The following EML1 variants were observed in gnomAD, a reference collection of about 807,000 sequenced individuals.
The protein encoded by EML1 is echinoderm microtubule-associated protein-like 1.
EML1 carries 27 observed loss-of-function variants against 110.4 expected under a neutral mutation model. The ratio of observed to expected loss-of-function variants is 0.24; its 90% CI spans 0.18 to 0.34. The LOEUF (loss-of-function observed/expected upper bound fraction) is 0.34. EML1 is among the 10% of genes least tolerant of loss of function. The pLI, the probability that EML1 is intolerant of heterozygous loss-of-function variation, is 1.00. For synonymous variants in EML1, 344 were observed against 385.8 expected (o/e 0.89, Z 1.27); for missense variants, 741 against 1,030.9 (o/e 0.72, Z 3.85).
At chr14:99,772,915 A>G (rs150216059), upstream of EML1, 4 of 152,256 alleles carry the variant, frequency 2.6e-5, no homozygotes, top group East Asian at 7.7e-4. Flanking sequence ...GAGCCCCTTG[A>G]ATGAATAAAA....
chr14:99,835,560 C>A (rs991054134), intron 1 of EML1, among the ~76,000 whole-genome samples: 3 of 152,180 alleles, frequency 2.0e-5, no homozygotes, highest in African/African-American at 7.2e-5. Flanking sequence ...CCTTCCCCAT[C>A]CCCTACTTCC....
intron 1 of EML1, among the ~76,000 whole-genome samples, chr14:99,752,401 G>A (rs140019161): frequency 0.037 from 5,660 of 152,290 alleles, 145 homozygotes; most frequent in Middle Eastern, 0.058. Flanking sequence ...AGCTGAATTT[G>A]AATTTCAGAT....
chr14:99,800,932 C>T (rs151296812), intron 1 of EML1, among the ~76,000 whole-genome samples: 6 of 152,328 alleles, frequency 3.9e-5, no homozygotes, highest in Non-Finnish European at 5.9e-5. Flanking sequence ...AGGGCCTGCC[C>T]GAGGTAGGGA....
intron 2 of EML1, among the ~76,000 whole-genome samples, chr14:99,851,421 C>T (rs2058797011): frequency 6.6e-6 from 1 of 152,126 alleles, no homozygotes; most frequent in Non-Finnish European, 1.5e-5. Flanking sequence ...CATTCTCCTG[C>T]CTCAGCCCCA....
chr14:99,819,617 C>T (rs1299638016), intron 1 of EML1, among the ~76,000 whole-genome samples: 1 of 152,142 alleles, frequency 6.6e-6, no homozygotes, highest in Non-Finnish European at 1.5e-5. Flanking sequence ...GTTCCTTGGC[C>T]CTGCGGTGAC....
rs571912304 is a variant in EML1, at chr14:99,934,104, AC to A, written c.1910-1924del. Among the ~76,000 whole-genome samples the A allele has an allele frequency of 2.5e-3, 382 of 152,332 alleles. 3 individuals are homozygous for A. Among genetic ancestry groups the A allele is most frequent in the African/African-American group, 7.9e-3 (328 of 41,576 alleles). ...GAGTGAAACTCCGTCTCAAAAAAAA[AC>A]ATATTGTCCATTTAATAATTGTAAT... On this transcript the variant is annotated intron_variant, in intron 17 of 21. Transcript: ENST00000262233.
chr14:99,911,258 G>C (rs1434401352), intron 12 of EML1, among the ~76,000 whole-genome samples, 164 bp from the exon 13 acceptor site: 2 of 152,122 alleles, frequency 1.3e-5, no homozygotes, highest in Admixed American at 1.3e-4. Context: ...ATGCTTGTCT[G>C]GTGCTCTGCG....
upstream of EML1, among the ~76,000 whole-genome samples, chr14:99,788,964 A>G (rs1208256205): frequency 6.6e-6 from 1 of 152,118 alleles, no homozygotes; most frequent in East Asian, 1.9e-4. Flanking sequence ...ATGTCTTGAT[A>G]CATGCTGATA....
intron 8 of EML1, among the ~76,000 whole-genome samples, chr14:99,898,508 T>A (rs1351071165): frequency 6.6e-6 from 1 of 152,174 alleles, no homozygotes; most frequent in Non-Finnish European, 1.5e-5. Context: ...TCCCAGCACT[T>A]TGGGATGCCA....
At chr14:99,863,562 T>C (rs1373315291) in intron 2 of EML1, among the ~76,000 whole-genome samples, 1 of 152,240 alleles carries the variant, frequency 6.6e-6, no homozygotes, top group Non-Finnish European at 1.5e-5. Flanking sequence ...TTTCTGTCTT[T>C]AGTTTACCTT....
In EML1 at chr14:99,767,315, C is replaced by T. The variant is rs116548305; in HGVS notation, c.28+29455C>T. On this transcript the variant is annotated intron_variant, in intron 1 of 10. Coordinates refer to the EML1 transcript ENST00000554479. The stretch of plus-strand genomic sequence containing the variant: ...AGCCTCAGTTCTTTTCTCTGTAAAA[C>T]GGCATTGGCCGGGCACGGTGGCTCA... Among the ~76,000 whole-genome samples, 737 of 152,284 alleles carry T rather than the reference C, an allele frequency of 4.8e-3. 5 individuals carry two copies. The highest frequency in any genetic ancestry group is 0.016 in the African/African-American group (682 of 41,566).
chr14:99,814,789 C>T (rs79498422), intron 1 of EML1, among the ~76,000 whole-genome samples: 5,041 of 152,284 alleles, frequency 0.033, 156 homozygotes, highest in African/African-American at 0.075. Flanking sequence ...GACAGGTCCT[C>T]TTGTGCAGGA....
At chr14:99,935,009 G>A (rs2060442481) in intron 17 of EML1, among the ~76,000 whole-genome samples, 1 of 152,178 alleles carries the variant, frequency 6.6e-6, no homozygotes, top group Non-Finnish European at 1.5e-5. Flanking sequence ...AGGAAGGGCT[G>A]TCCAGGCAGA....
chr14:99,914,025 G>A (rs988356579), intron 13 of EML1, among the ~76,000 whole-genome samples, 154 bp from the exon 14 acceptor site: 2 of 151,866 alleles, frequency 1.3e-5, no homozygotes, highest in East Asian at 1.9e-4. Flanking sequence ...CCATATATAT[G>A]TATATACAAC....
At chr14:99,755,958 C>A (rs184191451) in intron 1 of EML1, among the ~76,000 whole-genome samples, 1 of 152,184 alleles carries the variant, frequency 6.6e-6, no homozygotes, top group Admixed American at 6.5e-5. Context: ...TCAAGGAACC[C>A]GCCCAGGGTC....
At chr14:99,738,008 C>T (rs1566842751) in intron 1 of EML1, 21 of 839,604 alleles carry the variant, frequency 2.5e-5, no homozygotes, top group South Asian at 1.0e-4. Context: ...GGGCCTGTGC[C>T]GCTGGAAGGG....
At chr14:99,737,796 C>G in exon 1 of EML1, 5 of 1,289,140 alleles carry the variant, frequency 3.9e-6, no homozygotes, top group African/African-American at 1.5e-5. Flanking sequence ...AGTGACCCTG[C>G]AGGCTGGTGG....
In EML1 at chr14:99,827,133, G is replaced by A. The variant is rs1024807404; in HGVS notation, c.68-23720G>A. Among the ~76,000 whole-genome samples the A allele has an allele frequency of 6.6e-6, 1 of 152,162 alleles. No individual in the cohort carries two copies. Among genetic ancestry groups the A allele is most frequent in the Non-Finnish European group, 1.5e-5 (1 of 68,044 alleles). On this transcript the variant is annotated intron_variant, in intron 1 of 21. Transcript: ENST00000262233. The surrounding 1 kb of genome is among the most constrained non-coding windows in gnomAD (Gnocchi z 4.4). ...GGGGGATGACCACCTGAAGACATGG[G>A]GAGAAGACAGCCAGTGAGAGAGGCC...
intron 1 of EML1, among the ~76,000 whole-genome samples, chr14:99,750,408 A>G (rs1883082205): frequency 6.6e-6 from 1 of 152,156 alleles, no homozygotes; most frequent in African/African-American, 2.4e-5. Flanking sequence ...GTCCTCACCC[A>G]GCTGGGGCCA....
Sources: gnomAD v4.1 joint callset for allele counts (sites outside exome capture counted in the v4.1 genomes callset) on GRCh38, gnomAD v4.1.1 for gene constraint, Gnocchi (gnomAD v3.1) non-coding constraint, MANE v1.5 for transcripts, NCBI Gene and HGNC (gene_info 2026-07-23, HGNC 2026-07-21) for gene names.